Variants in FCRL4 observed in about 807,000 individuals in gnomAD.
FCRL4 encodes the protein Fc receptor-like protein 4.
FCRL4 carries 43 observed loss-of-function variants against 64.1 expected under a neutral mutation model. The ratio of observed to expected loss-of-function variants is 0.67; its 90% CI spans 0.53 to 0.87. The LOEUF (loss-of-function observed/expected upper bound fraction) is 0.87. Among genes scored for constraint, FCRL4 ranks in the 40% least tolerant of loss-of-function variants. The probability of loss-of-function intolerance (pLI) is 0.00; values close to 1 mark genes in which losing one functional copy is unlikely to be tolerated. For synonymous variants in FCRL4, 253 were observed against 239.8 expected (o/e 1.05, Z -0.51); for missense variants, 656 against 613.5 (o/e 1.07, Z -0.73).
rs928974306 is a variant in FCRL4 at position 157,596,332 on chromosome 1, T to A, written c.48A>T (p.Gln16His). 1 of 1,613,882 alleles carries A rather than the reference T, an allele frequency of 6.2e-7. No individual in the cohort carries two copies. The change falls in exon 2 of 12, where the codon CAA (glutamine) becomes CAT (histidine). Residue 16 changes from glutamine (Q) to histidine (H), a missense_variant. Coordinates refer to ENST00000271532, the MANE Select transcript of FCRL4 (RefSeq NM_031282.3). ...GCAAAGAAAATAAGGACTTACCAGA[T>A]TGTCCACAGACTGGAGCTGAAAGAG... ...SLLAFAPVCG[Q>H]SAAAHKPVIS... is the part of the protein sequence containing the mutation.
chr1:157,585,350 CTTTCTTT>C (rs1652657063), intron 6 of FCRL4, among the ~76,000 whole-genome samples: 1 of 41,474 alleles, frequency 2.4e-5, no homozygotes, highest in African/African-American at 9.2e-5. Flanking sequence ...CTCTCTCTTT[CTTTCTTT>C]CTTTCTTTCT....
Position 157,575,365 on chromosome 1 carries a change from A to C in FCRL4, c.*159T>G. Reference sequence around the variant, plus strand: ...CCATTCCATCCCAACATCAGAGTAGACGAATGAGTATTCCTGGGAGTGAAT... The same window carrying C: ...CCATTCCATCCCAACATCAGAGTAGCCGAATGAGTATTCCTGGGAGTGAAT... On this transcript the variant is annotated 3_prime_UTR_variant, in exon 12 of 12. Transcript: ENST00000271532. 1.6e-6 allele frequency: 1 copy of C among 630,684 alleles called. No individual in the cohort carries two copies. Among genetic ancestry groups the C allele is most frequent in the East Asian group, 2.7e-5 (1 of 36,490 alleles). 39.1% of individuals were successfully genotyped at this position (630,684 alleles called of 1,614,324 possible). A position where few individuals can be genotyped will look rare whatever the true frequency, so the allele number is the denominator to read the frequency against.
chr1:157,576,690 C>T (rs907949320), intron 10 of FCRL4, among the ~76,000 whole-genome samples: 1 of 152,148 alleles, frequency 6.6e-6, no homozygotes, highest in Non-Finnish European at 1.5e-5. Context: ...TCAATCAACC[C>T]AAGAAAGGTA....
chr1:157,593,321 A>T (rs1652880136), intron 2 of FCRL4, among the ~76,000 whole-genome samples: 1 of 152,154 alleles, frequency 6.6e-6, no homozygotes, highest in South Asian at 2.1e-4. Flanking sequence ...ATCTAGAGAG[A>T]TAGTTCCTCC....
chr1:157,581,489 A>T, intron 7 of FCRL4, 42 bp downstream of exon 7: 1 of 1,548,440 alleles, frequency 6.5e-7, no homozygotes, highest in East Asian at 2.3e-5. Flanking sequence ...AGTTCAGGGG[A>T]AGGAACAGGG....
At chr1:157,584,492 C>T (rs367722649) in intron 6 of FCRL4, among the ~76,000 whole-genome samples, 2 of 151,506 alleles carry the variant, frequency 1.3e-5, no homozygotes, top group African/African-American at 2.4e-5. Flanking sequence ...GCCAAGATCA[C>T]GCCACTGAAC....
At chr1:157,590,472 CCT>C (rs1423984830) in intron 2 of FCRL4, among the ~76,000 whole-genome samples, 1 of 151,712 alleles carries the variant, frequency 6.6e-6, no homozygotes, top group Non-Finnish European at 1.5e-5. Context: ...TGTAAATTCC[CCT>C]GTGTATGTAC....
At chr1:157,588,189 A>T in intron 3 of FCRL4, 70 bp from the exon 4 acceptor site, 1 of 1,511,278 alleles carries the variant, frequency 6.6e-7, no homozygotes, top group Non-Finnish European at 8.8e-7. Context: ...CTTGAATTAC[A>T]AAGGCTTTAT....
At chr1:157,575,642 G>A in intron 11 of FCRL4, 32 bp from the exon 12 acceptor site, 1 of 1,611,424 alleles carries the variant, frequency 6.2e-7, no homozygotes, top group Non-Finnish European at 8.5e-7. Context: ...GAAACCGAGA[G>A]GGAGTGTGAG....
In FCRL4 at chr1:157,586,236, C is replaced by G. The variant is rs144281251; in HGVS notation, c.1067G>C (p.Gly356Ala). The change falls in exon 6 of 12, where the codon GGA (glycine) becomes GCA (alanine). Residue 356 changes from glycine (G) to alanine (A), a missense_variant. Coordinates refer to ENST00000271532, the MANE Select transcript of FCRL4 (RefSeq NM_031282.3). ...LPAIRQSHAG[G>A]YYCTADNSYG... ...GCTGTTGTCTGCTGTACAGTAGTATCCCCCTGCATGGCTCTGTCTGATGGC... is the reference window on the plus strand; with the variant it reads ...GCTGTTGTCTGCTGTACAGTAGTATGCCCCTGCATGGCTCTGTCTGATGGC... The G allele has an allele frequency of 6.2e-7, 1 of 1,614,164 alleles. No individual in the cohort carries two copies. Among genetic ancestry groups the G allele is most frequent in the Non-Finnish European group, 8.5e-7 (1 of 1,180,024 alleles).
intron 2 of FCRL4, among the ~76,000 whole-genome samples, chr1:157,593,841 A>T (rs1351381550): frequency 6.6e-6 from 1 of 152,220 alleles, no homozygotes; most frequent in African/African-American, 2.4e-5. Flanking sequence ...GGCTAACAAC[A>T]AAAGTAACTA....
rs761130351 is a variant in FCRL4, at chr1:157,587,408, C to G, written c.715G>C (p.Asp239His). 6.8e-6 allele frequency: 11 copies of G among 1,614,116 alleles called. No homozygotes were observed. Among genetic ancestry groups the G allele is most frequent in the Non-Finnish European group, 8.5e-7 (1 of 1,180,056 alleles). Residue 239 changes from aspartate to histidine, a missense_variant, in exon 5 of 12, where the codon GAC becomes CAC. Asp to His is a moderately conservative substitution (Grantham distance 81). Transcript: ENST00000271532. The part of the protein sequence containing the change: ...FFRDGEVILS[D>H]WSTYPELQLP... ...TGGAGTTCCGGGTACGTGCTCCAGT[C>G]TGACAGGATGACCTCGCCATCTCTG...
In FCRL4 at chr1:157,575,358, A is replaced by G. The variant is rs1316650630; in HGVS notation, c.*166T>C. 4.2e-5 allele frequency: 26 copies of G among 618,662 alleles called. No individual in the cohort carries two copies. The highest frequency in any genetic ancestry group is 6.4e-5 in the Non-Finnish European group (22 of 346,258). The allele number at this position is 618,662 out of a possible 1,614,324, so 38.3% of individuals were successfully genotyped here. ...TCAGAGGCCATTCCATCCCAACATC[A>G]GAGTAGACGAATGAGTATTCCTGGG... On this transcript the variant is annotated 3_prime_UTR_variant, in exon 12 of 12. Transcript: ENST00000271532.
rs1272786809 is a variant in FCRL4, at chr1:157,587,415, G to A, written c.708C>T (p.Ile236=). 6.2e-7 allele frequency: 1 copy of A among 1,614,226 alleles called. No individual in the cohort carries two copies. The highest frequency in any genetic ancestry group is 1.1e-5 in the South Asian group (1 of 91,090). ...HFNFFRDGEV[I]LSDWSTYPEL... The stretch of plus-strand genomic sequence containing the variant: ...CCGGGTACGTGCTCCAGTCTGACAG[G>A]ATGACCTCGCCATCTCTGAAGAAGT... The change falls in exon 5 of 12, where the codon ATC becomes ATT. Residue 236 remains isoleucine, a synonymous_variant. Coordinates refer to ENST00000271532, the MANE Select transcript of FCRL4 (RefSeq NM_031282.3).
At chr1:157,597,730 C>A (rs182674414) in intron 1 of FCRL4, among the ~76,000 whole-genome samples, 184 bp downstream of exon 1, 1 of 152,216 alleles carries the variant, frequency 6.6e-6, no homozygotes, top group Non-Finnish European at 1.5e-5. Flanking sequence ...AGAAATACAT[C>A]TTTGGAAATC....
intron 6 of FCRL4, among the ~76,000 whole-genome samples, chr1:157,585,405 T>TCTTC (rs1652667263): frequency 7.2e-6 from 1 of 139,348 alleles, no homozygotes; most frequent in Non-Finnish European, 1.6e-5. Flanking sequence ...CTTCTTTCTT[T>TCTTC]CTTTCTTTCT....
intron 10 of FCRL4, among the ~76,000 whole-genome samples, chr1:157,578,078 A>G (rs1222759269): frequency 6.6e-6 from 1 of 152,194 alleles, no homozygotes; most frequent in African/African-American, 2.4e-5. Context: ...CTAGCACTTA[A>G]TTAAAATGCC....
rs144527505 is a variant in FCRL4, at chr1:157,574,711, G to A, written c.*813C>T. On this transcript the variant is annotated 3_prime_UTR_variant, in exon 12 of 12. Coordinates refer to ENST00000271532, the MANE Select transcript of FCRL4 (RefSeq NM_031282.3). The stretch of plus-strand genomic sequence containing the variant: ...TTGGTAATTATTTCAGTGAACAGAC[G>A]TAGGAAATATTTATCTTTTTTTAAA... 909 of 210,974 alleles carry A rather than the reference G, an allele frequency of 4.3e-3. 5 individuals carry two copies. The highest frequency in any genetic ancestry group is 0.019 in the African/African-American group (835 of 44,208). 13.1% of individuals were successfully genotyped at this position (210,974 alleles called of 1,614,324 possible).
chr1:157,585,229 TCTTTCCTTTCTTTC>T (rs1240694759), intron 6 of FCRL4, among the ~76,000 whole-genome samples: 15 of 128,864 alleles, frequency 1.2e-4, no homozygotes, highest in South Asian at 3.0e-4. Flanking sequence ...CTTTCTTTCC[TCTTTCCTTTCTTTC>T]CTTTCCTTTC....
Sources: gnomAD v4.1 joint callset for allele counts (sites outside exome capture counted in the v4.1 genomes callset) on GRCh38, gnomAD v4.1.1 for gene constraint, MANE v1.5 for transcripts, NCBI Gene and HGNC (gene_info 2026-07-23, HGNC 2026-07-21) for gene names.